The following CALCRL variants were observed in gnomAD, a reference collection of about 807,000 sequenced individuals.
The protein encoded by CALCRL is calcitonin gene-related peptide type 1 receptor.
A neutral mutation model predicts 60.4 loss-of-function variants in CALCRL; 27 were observed. The ratio of observed to expected loss-of-function variants is 0.45; its 90% CI spans 0.33 to 0.62. The LOEUF (loss-of-function observed/expected upper bound fraction) is 0.62, where lower values mean the gene tolerates loss of function less well. Among genes scored for constraint, CALCRL ranks in the 20% least tolerant of loss-of-function variants. The pLI is 0.03. For synonymous variants in CALCRL, 190 were observed against 182.6 expected (o/e 1.04, Z -0.33); for missense variants, 424 against 540.7 (o/e 0.78, Z 2.14).
intron 1 of CALCRL, among the ~76,000 whole-genome samples, chr2:187,413,642 C>T (rs181846486): frequency 2.2e-4 from 33 of 152,202 alleles, no homozygotes; most frequent in African/African-American, 2.2e-4. Context: ...TTGTTAATGG[C>T]GTGACCTTGA....
intron 1 of CALCRL, among the ~76,000 whole-genome samples, chr2:187,435,865 C>CGTGTGTGT (rs5837037): frequency 0.059 from 8,800 of 148,340 alleles, 333 homozygotes; most frequent in South Asian, 0.11. Flanking sequence ...TGTGTTTGTG[C>CGTGTGTGT]GTGCGTGTGT....
chr2:187,431,912 G>A (rs191281797), intron 1 of CALCRL, among the ~76,000 whole-genome samples: 2 of 152,070 alleles, frequency 1.3e-5, no homozygotes, highest in African/African-American at 2.4e-5. Flanking sequence ...TCTCTGAAGA[G>A]GTGGTATATG....
chr2:187,404,289 C>G (rs1278284623), intron 1 of CALCRL, among the ~76,000 whole-genome samples: 1 of 151,686 alleles, frequency 6.6e-6, no homozygotes, highest in Non-Finnish European at 1.5e-5. Context: ...ATATAAAATA[C>G]CCTGAAGAAA....
At chr2:187,353,089 G>T (rs1574209446) in intron 12 of CALCRL, among the ~76,000 whole-genome samples, 1 of 151,782 alleles carries the variant, frequency 6.6e-6, no homozygotes, top group Non-Finnish European at 1.5e-5. Flanking sequence ...CAGCAAACAG[G>T]GTCCTACTGA....
chr2:187,416,664 A>G (rs1214381903), intron 1 of CALCRL, among the ~76,000 whole-genome samples: 1 of 152,158 alleles, frequency 6.6e-6, no homozygotes, highest in Admixed American at 6.5e-5. Context: ...GGTCTGTGGT[A>G]TGAAATTAAT....
At chr2:187,380,000 G>A (rs1483500173) in intron 7 of CALCRL, among the ~76,000 whole-genome samples, 3 of 152,200 alleles carry the variant, frequency 2.0e-5, no homozygotes, top group East Asian at 3.9e-4. Flanking sequence ...TGACTCCAAT[G>A]TGTAGTGTTT....
In CALCRL at chr2:187,344,970, CAA is replaced by C. The variant is rs1361492662; in HGVS notation, c.*1212_*1213del. The C allele has an allele frequency of 6.6e-6, 1 of 151,590 alleles. No homozygotes were observed. Among genetic ancestry groups the C allele is most frequent in the Non-Finnish European group, 1.5e-5 (1 of 67,696 alleles). 9.4% of individuals were successfully genotyped at this position (151,590 alleles called of 1,614,324 possible). A position where few individuals can be genotyped will look rare whatever the true frequency, so the allele number is the denominator to read the frequency against. On this transcript the variant is annotated 3_prime_UTR_variant, in exon 15 of 15. Coordinates refer to ENST00000392370, the MANE Select transcript of CALCRL (RefSeq NM_005795.6). The stretch of plus-strand genomic sequence containing the variant: ...ATTATTAAGGTATGAGTTATCAAAA[CAA>C]ATATATTCAATAAAATAGTGACCTT...
intron 12 of CALCRL, among the ~76,000 whole-genome samples, chr2:187,352,915 C>T (rs1476880621): frequency 6.6e-6 from 1 of 151,812 alleles, no homozygotes; most frequent in African/African-American, 2.4e-5. Flanking sequence ...ATATTCAACC[C>T]CAGTCATTCT....
intron 3 of CALCRL, among the ~76,000 whole-genome samples, chr2:187,386,974 C>T (rs182318240): frequency 4.4e-4 from 67 of 152,286 alleles, no homozygotes; most frequent in African/African-American, 1.3e-3. Context: ...TTCCCAGCCA[C>T]GTGAAACTGT....
intron 14 of CALCRL, among the ~76,000 whole-genome samples, chr2:187,348,184 T>C (rs1043013301): frequency 4.0e-5 from 6 of 151,690 alleles, no homozygotes; most frequent in Non-Finnish European, 7.4e-5. Context: ...AAAAATAACA[T>C]CTGCATATGT....
chr2:187,422,882 A>AG (rs1267422346), intron 1 of CALCRL, among the ~76,000 whole-genome samples: 1 of 151,902 alleles, frequency 6.6e-6, no homozygotes, highest in African/African-American at 2.4e-5. Context: ...GTAAAATATG[A>AG]GGGGGGTATA....
chr2:187,363,789 T>C (rs696574), intron 8 of CALCRL, among the ~76,000 whole-genome samples: 121,752 of 152,126 alleles, frequency 0.8, 49,071 homozygotes, highest in Middle Eastern at 0.85. Flanking sequence ...CTGAACATAA[T>C]TAATAGTTTA....
chr2:187,406,890 G>A (rs888580570), intron 1 of CALCRL, among the ~76,000 whole-genome samples: 9 of 151,940 alleles, frequency 5.9e-5, no homozygotes, highest in Admixed American at 5.9e-4. Context: ...GGAAAAAATG[G>A]AGCTATTTTG....
intron 4 of CALCRL, among the ~76,000 whole-genome samples, chr2:187,384,498 T>G (rs1688128106): frequency 1.3e-5 from 2 of 152,184 alleles, no homozygotes; most frequent in Non-Finnish European, 2.9e-5. Context: ...CAGAATTACC[T>G]GCAGGAAAGT....
intron 1 of CALCRL, among the ~76,000 whole-genome samples, chr2:187,436,082 G>C (rs1690633032): frequency 6.6e-6 from 1 of 151,998 alleles, no homozygotes; most frequent in Admixed American, 6.6e-5. Context: ...TTTATTGGTA[G>C]TTCAATATAT....
intron 1 of CALCRL, among the ~76,000 whole-genome samples, chr2:187,420,845 C>G (rs564056425): frequency 6.6e-6 from 1 of 152,014 alleles, no homozygotes; most frequent in African/African-American, 2.4e-5. Context: ...TTTAACATAT[C>G]TGAATATTGG....
At chr2:187,376,648 T>C (rs1301295057) in intron 8 of CALCRL, among the ~76,000 whole-genome samples, 1 of 152,164 alleles carries the variant, frequency 6.6e-6, no homozygotes, top group Non-Finnish European at 1.5e-5. Flanking sequence ...GGAACATAAA[T>C]AATTTTGCAT....
intron 7 of CALCRL, among the ~76,000 whole-genome samples, chr2:187,379,979 G>A (rs1226639350): frequency 6.6e-6 from 1 of 152,186 alleles, no homozygotes; most frequent in African/African-American, 2.4e-5. Flanking sequence ...GTGCCAAACT[G>A]TAATTAACCT....
At chr2:187,396,420 A>G (rs988619863) in intron 1 of CALCRL, among the ~76,000 whole-genome samples, 2 of 151,738 alleles carry the variant, frequency 1.3e-5, no homozygotes, top group African/African-American at 2.4e-5. Flanking sequence ...TACCATCATC[A>G]TTGGAACAGG....
Sources: allele counts gnomAD v4.1 joint callset (sites outside exome capture counted in the v4.1 genomes callset), GRCh38; gene constraint gnomAD v4.1.1; transcripts MANE v1.5; gene names NCBI Gene and HGNC (gene_info 2026-07-23, HGNC 2026-07-21).